The following KCNC1 variants were observed in gnomAD, a reference collection of about 807,000 sequenced individuals.
The protein encoded by KCNC1 is potassium voltage-gated channel subfamily C member 1.
In KCNC1, 8 loss-of-function variants were observed where a neutral mutation model predicts 43.4. That is an observed-to-expected ratio of 0.18 (90% CI 0.11 to 0.33). The LOEUF (loss-of-function observed/expected upper bound fraction) is 0.33. Among genes scored for constraint, KCNC1 ranks in the 10% least tolerant of loss-of-function variants. The pLI is 1.00. For missense variants in KCNC1, 420 were observed against 836.0 expected, an observed-to-expected ratio of 0.50 and a Z score of 6.14; for synonymous variants, 361 against 360.5, an observed-to-expected ratio of 1.00 and a Z score of -0.01.
chr11:17,751,804 G>A (rs1405411209), intron 1 of KCNC1, among the ~76,000 whole-genome samples: 1 of 152,208 alleles, frequency 6.6e-6, no homozygotes, highest in East Asian at 1.9e-4. Flanking sequence ...GTCAGTGAGT[G>A]GGGGATTGCC....
intron 1 of KCNC1, among the ~76,000 whole-genome samples, chr11:17,753,810 T>C (rs1240464973): frequency 6.6e-6 from 1 of 152,184 alleles, no homozygotes; most frequent in African/African-American, 2.4e-5. Context: ...CTCCTCACCA[T>C]GTGTCCCAGA....
intron 2 of KCNC1, chr11:17,774,433 A>G: frequency 1.0e-6 from 1 of 985,542 alleles, no homozygotes; most frequent in Non-Finnish European, 1.2e-6. Flanking sequence ...TGGGCCAGCC[A>G]GTCAAGAATC....
rs1463141307 is a variant in KCNC1, at chr11:17,779,529, C to T, written c.1578C>T (p.Leu526=). Residue 526 remains leucine, a synonymous_variant, in exon 3 of 4, where the codon CTC becomes CTT. Transcript: ENST00000265969. This position sits in a 1 kb window ranked among gnomAD's most constrained non-coding sequence, Gnocchi z 7.2. ...ACTGCCCCCACATAGACCAGGCCCT[C>T]ACTCCCGATGAGGGCCTGCCCTTTA... is the stretch of plus-strand genomic sequence containing the variant. ...NEDCPHIDQA[L]TPDEGLPFTR... is the part of the protein sequence containing the mutation. The T allele has an allele frequency of 4.5e-6, 7 of 1,551,402 alleles. No individual in the cohort carries two copies. Among genetic ancestry groups the T allele is most frequent in the South Asian group, 1.2e-5 (1 of 84,056 alleles).
chr11:17,738,251 C>T (rs1366934860), intron 1 of KCNC1, among the ~76,000 whole-genome samples: 1 of 152,074 alleles, frequency 6.6e-6, no homozygotes, highest in African/African-American at 2.4e-5. Context: ...CAGAGGGCTT[C>T]CCTCCCCTTC....
chr11:17,751,198 A>G (rs1417519806), intron 1 of KCNC1, among the ~76,000 whole-genome samples: 1 of 152,378 alleles, frequency 6.6e-6, no homozygotes, highest in East Asian at 1.9e-4. Flanking sequence ...AGCTAGAGCC[A>G]TGCCAGTGTT....
chr11:17,775,324 A>C (rs1302876469), intron 2 of KCNC1: 1 of 975,120 alleles, frequency 1.0e-6, no homozygotes, highest in Non-Finnish European at 1.2e-6. Flanking sequence ...TGCCAGCAGC[A>C]CCTGCCCCTC....
In KCNC1 at chr11:17,773,779, G is replaced by T; in HGVS notation, c.1504+1181G>T. 2 of 985,482 alleles carry T rather than the reference G, an allele frequency of 2.0e-6. No individual in the cohort carries two copies. The highest frequency in any genetic ancestry group is 2.4e-6 in the Non-Finnish European group (2 of 829,954). 61.0% of individuals were successfully genotyped at this position (985,482 alleles called of 1,614,324 possible). ...ATTCTGTGGACACAGGGATTTCAAA[G>T]GAACAGATGACCCAGAGAAGAATGA... On this transcript the variant is annotated intron_variant, in intron 2 of 3. Transcript: ENST00000265969. The surrounding 1 kb of genome is among the most constrained non-coding windows in gnomAD (Gnocchi z 4.1).
In KCNC1 at chr11:17,779,355, T is replaced by C; in HGVS notation, c.1505-101T>C. 1.0e-6 allele frequency: 1 copy of C among 1,002,638 alleles called. No homozygotes were observed. Among genetic ancestry groups the C allele is most frequent in the Non-Finnish European group, 1.4e-6 (1 of 717,702 alleles). The allele number at this position is 1,002,638 out of a possible 1,614,324, so 62.1% of individuals were successfully genotyped here. On this transcript the variant is annotated intron_variant, in intron 2 of 3. Coordinates refer to ENST00000265969, the MANE Select transcript of KCNC1 (RefSeq NM_001112741.2). The surrounding 1 kb of genome is among the most constrained non-coding windows in gnomAD (Gnocchi z 7.2). ...CCCGCTTTTCCGTCCTCAGGGACGC[T>C]CAAGCTGCCCTCTGCCAATACCCCG...
At chr11:17,757,025 G>A (rs1849030268) in intron 1 of KCNC1, among the ~76,000 whole-genome samples, 1 of 152,072 alleles carries the variant, frequency 6.6e-6, no homozygotes, top group Non-Finnish European at 1.5e-5. Flanking sequence ...CTGCAAAATG[G>A]AGGTAATGAT....
Position 17,779,901 on chromosome 11 carries a change from G to A in KCNC1, c.1693+257G>A. 3.0e-6 allele frequency: 1 copy of A among 338,974 alleles called. No individual in the cohort carries two copies. Among genetic ancestry groups the A allele is most frequent in the Non-Finnish European group, 5.4e-6 (1 of 186,562 alleles). The allele number at this position is 338,974 out of a possible 1,614,324, so 21.0% of individuals were successfully genotyped here. ...GAGTTGAGAGGGGATTGGACAGGTT[G>A]ACTTTAGGCCATGACCCCAAGGCAG... On this transcript the variant is annotated intron_variant, in intron 3 of 3. Transcript: ENST00000265969. This position sits in a 1 kb window ranked among gnomAD's most constrained non-coding sequence, Gnocchi z 7.2.
At chr11:17,759,109 T>C (rs1211444841) in intron 1 of KCNC1, among the ~76,000 whole-genome samples, 1 of 152,286 alleles carries the variant, frequency 6.6e-6, no homozygotes, top group African/African-American at 2.4e-5. Flanking sequence ...TCTGGATAAC[T>C]TGCTACAGCT....
Position 17,776,721 on chromosome 11 carries a change from A to G in KCNC1, c.1505-2735A>G, listed in dbSNP as rs888092226. ...GTGGGAATGGAGGCTCCTAGCCACT[A>G]TCTCATCCAAAGGATGGGGCAGGGG... is the stretch of plus-strand genomic sequence containing the variant. On this transcript the variant is annotated intron_variant, in intron 2 of 3. Coordinates refer to ENST00000265969, the MANE Select transcript of KCNC1 (RefSeq NM_001112741.2). This position sits in a 1 kb window ranked among gnomAD's most constrained non-coding sequence, Gnocchi z 4.4. The G allele has an allele frequency of 3.0e-6, 3 of 985,164 alleles. No homozygotes were observed. In the African/African-American group the frequency reaches 5.2e-5, roughly 17 times the overall value. The allele number at this position is 985,164 out of a possible 1,614,324, so 61.0% of individuals were successfully genotyped here.
chr11:17,768,777 A>G (rs1849188078), intron 1 of KCNC1, among the ~76,000 whole-genome samples: 2 of 152,124 alleles, frequency 1.3e-5, no homozygotes, highest in Non-Finnish European at 2.9e-5. Context: ...GTCCCATACA[A>G]AGGCCAGGGC....
intron 1 of KCNC1, among the ~76,000 whole-genome samples, chr11:17,765,014 C>T (rs1390213625): frequency 3.9e-5 from 6 of 152,224 alleles, no homozygotes; most frequent in Admixed American, 3.9e-4. Context: ...CCTCTGGGGG[C>T]CTGGGGCCTG....
In KCNC1 at chr11:17,782,624, C is replaced by CTAAGGCACAACCTGGCATTGTATGCAATT. The variant is rs1307273012; in HGVS notation, c.*893_*921dup. 4 of 152,240 alleles carry CTAAGGCACAACCTGGCATTGTATGCAATT rather than the reference C, an allele frequency of 2.6e-5. No homozygotes were observed. The highest frequency in any genetic ancestry group is 2.0e-4 in the Admixed American group (3 of 15,292). 9.4% of individuals were successfully genotyped at this position (152,240 alleles called of 1,614,324 possible). A position where few individuals can be genotyped will look rare whatever the true frequency, so the allele number is the denominator to read the frequency against. On this transcript the variant is annotated 3_prime_UTR_variant, in exon 4 of 4. Coordinates refer to ENST00000265969, the MANE Select transcript of KCNC1 (RefSeq NM_001112741.2). ...GGAGGAGCAGCCTCCTCCACCTTTA[C>CTAAGGCACAACCTGGCATTGTATGCAATT]TAAGGCACAACCTGGCATTGTATGC...
At chr11:17,772,906 G>C in intron 2 of KCNC1, 1 of 1,239,954 alleles carries the variant, frequency 8.1e-7, no homozygotes, top group Non-Finnish European at 1.0e-6. Context: ...GAGCCAGGGG[G>C]GCTCTGCTTG....
chr11:17,768,616 G>T (rs573242246), intron 1 of KCNC1, among the ~76,000 whole-genome samples: 28 of 150,928 alleles, frequency 1.9e-4, no homozygotes, highest in African/African-American at 4.4e-4. Flanking sequence ...TGTTGGTGGG[G>T]GGGGGGGCGG....
Position 17,766,251 on chromosome 11 carries a change from C to T in KCNC1, c.571-5414C>T, listed in dbSNP as rs539526703. Among the ~76,000 whole-genome samples, 33 of 152,326 alleles carry T rather than the reference C, an allele frequency of 2.2e-4. 2 individuals carry two copies. The South Asian group carries it at 5.4e-3, about 25-fold the overall frequency. On this transcript the variant is annotated intron_variant, in intron 1 of 3. Coordinates refer to ENST00000265969, the MANE Select transcript of KCNC1 (RefSeq NM_001112741.2). ...CTGGTGGTGTGTGGCGATGTGTCTC[C>T]GCATGTGCTCCATGGGCTCCTGTGT...
chr11:17,757,116 C>G (rs1283923023), intron 1 of KCNC1, among the ~76,000 whole-genome samples: 1 of 152,200 alleles, frequency 6.6e-6, no homozygotes, highest in Non-Finnish European at 1.5e-5. Flanking sequence ...GCTATTATTA[C>G]TGTATAGCAG....
Sources: gnomAD v4.1 joint callset for allele counts (sites outside exome capture counted in the v4.1 genomes callset) on GRCh38, gnomAD v4.1.1 for gene constraint, Gnocchi (gnomAD v3.1) non-coding constraint, MANE v1.5 for transcripts, NCBI Gene and HGNC (gene_info 2026-07-23, HGNC 2026-07-21) for gene names.